PIP5K1C: variants seen among roughly 807,000 people sequenced by gnomAD.
The protein encoded by PIP5K1C is phosphatidylinositol-4-phosphate 5-kinase type 1 gamma.
PIP5K1C carries 45 observed loss-of-function variants against 80.1 expected under a neutral mutation model. The ratio of observed to expected loss-of-function variants is 0.56; its 90% CI spans 0.44 to 0.72. The LOEUF (loss-of-function observed/expected upper bound fraction) is 0.72. Ranked by LOEUF, PIP5K1C falls within the 30% of genes least tolerant of loss-of-function variation. The probability of loss-of-function intolerance (pLI) is 0.00; values close to 1 mark genes in which losing one functional copy is unlikely to be tolerated. For missense variants in PIP5K1C, 753 were observed against 954.6 expected (o/e 0.79, Z 2.78); for synonymous variants, 498 against 420.1 (o/e 1.19, Z -2.27).
intron 11 of PIP5K1C, 128 bp downstream of exon 11, chr19:3,645,846 G>A (rs1051859680): frequency 1.3e-6 from 1 of 780,786 alleles, no homozygotes; most frequent in Non-Finnish European, 2.4e-6. Context: ...GTCTGAGGGG[G>A]GCACAGGGGC....
chr19:3,652,126 C>G, intron 7 of PIP5K1C, 95 bp from the exon 8 acceptor site: 1 of 1,199,616 alleles, frequency 8.3e-7, no homozygotes. Flanking sequence ...ACGGATGGCC[C>G]CGTGGGCTCG....
intron 16 of PIP5K1C, 47 bp downstream of exon 16, chr19:3,638,832 GAGAGA>G: frequency 6.2e-7 from 1 of 1,608,100 alleles, no homozygotes; most frequent in Non-Finnish European, 8.5e-7. Context: ...GAGCGTGTGT[GAGAGA>G]GAGTCCGGTT....
At chr19:3,668,580 C>T (rs914265217) in intron 1 of PIP5K1C, 3 of 152,276 alleles carry the variant, frequency 2.0e-5, no homozygotes, top group Non-Finnish European at 2.9e-5. Context: ...GGTGAGGCCC[C>T]GTTCTGGGGC....
In PIP5K1C at chr19:3,638,765, G is replaced by A. The variant is rs1053189371; in HGVS notation, c.1920+119C>T. On this transcript the variant is annotated intron_variant, in intron 16 of 17. Transcript: ENST00000335312. ...TGGTGAGAGAGCATGTGGGTGGGTC[G>A]ACAGGGCACACTCACGTGCCTGTGT... 5.9e-5 allele frequency: 81 copies of A among 1,374,294 alleles called. No individual in the cohort carries two copies. In the African/African-American group the frequency reaches 1.1e-3, roughly 18 times the overall value. The allele number at this position is 1,374,294 out of a possible 1,614,324, so 85.1% of individuals were successfully genotyped here.
At chr19:3,670,376 C>T (rs920824862) in intron 1 of PIP5K1C, among the ~76,000 whole-genome samples, 3 of 152,010 alleles carry the variant, frequency 2.0e-5, no homozygotes, top group Non-Finnish European at 2.9e-5. Context: ...TAAGAGAAGC[C>T]GCTCAGGGAG....
intron 8 of PIP5K1C, among the ~76,000 whole-genome samples, chr19:3,650,694 T>G (rs1043275840): frequency 2.0e-5 from 3 of 152,234 alleles, no homozygotes; most frequent in Non-Finnish European, 4.4e-5. Flanking sequence ...CCAGCAGACA[T>G]GACTGCAGGC....
chr19:3,661,863 C>G lies in PIP5K1C; in HGVS notation c.350+8G>C. ...GGTGAGCCCTGAGGCTCCGGGGGCC[C>G]GGCCCACCTGGGGAAGAAGATGCTC... On this transcript the variant is annotated splice_region_variant and intron_variant, in intron 4 of 17. Coordinates refer to ENST00000335312, the MANE Select transcript of PIP5K1C (RefSeq NM_012398.3). 6.2e-7 allele frequency: 1 copy of G among 1,611,030 alleles called. No individual in the cohort carries two copies. The highest frequency in any genetic ancestry group is 8.5e-7 in the Non-Finnish European group (1 of 1,179,916).
intron 1 of PIP5K1C, among the ~76,000 whole-genome samples, chr19:3,687,651 C>A (rs942337363): frequency 6.6e-6 from 1 of 151,266 alleles, no homozygotes; most frequent in African/African-American, 2.4e-5. Flanking sequence ...AGAACACCTG[C>A]GGGACACAGC....
At chr19:3,634,087 C>A (rs547968618) in intron 16 of PIP5K1C, among the ~76,000 whole-genome samples, 1 of 152,264 alleles carries the variant, frequency 6.6e-6, no homozygotes, top group African/African-American at 2.4e-5. Flanking sequence ...GACCACCCAC[C>A]CTGCAAGAGC....
In PIP5K1C at chr19:3,638,998, G is replaced by A. The variant is rs922513224; in HGVS notation, c.1806C>T (p.Ala602=). The part of the protein sequence containing the change: ...EEDAGVEASP[A]GASAAVEVET... ...CTACTTCAACAGCAGCAGAGGCACC[G>A]GCCGGGGAAGCCTCCACCCTGGGGA... Residue 602 remains alanine, a synonymous_variant, in exon 16 of 18, where the codon GCC becomes GCT. Transcript: ENST00000335312. 11 of 1,611,220 alleles carry A rather than the reference G, an allele frequency of 6.8e-6. No individual in the cohort carries two copies. Among genetic ancestry groups the A allele is most frequent in the African/African-American group, 2.7e-5 (2 of 74,876 alleles).
chr19:3,636,596 C>T (rs1200740293), intron 16 of PIP5K1C: 11 of 985,508 alleles, frequency 1.1e-5, no homozygotes, highest in East Asian at 1.1e-4. Context: ...AGCTCCTGGA[C>T]GATCTCCGGG....
intron 8 of PIP5K1C, chr19:3,650,154 ACCAAAG>A (rs1310225376): frequency 6.5e-6 from 1 of 153,890 alleles, no homozygotes; most frequent in African/African-American, 2.4e-5. Flanking sequence ...ACCGCTGCAA[ACCAAAG>A]CCCAGCTGGT....
chr19:3,664,975 C>G, intron 2 of PIP5K1C, 61 bp from the exon 3 acceptor site: 1 of 1,318,538 alleles, frequency 7.6e-7, no homozygotes, highest in Non-Finnish European at 1.1e-6. Context: ...GGACAGGGCA[C>G]GCTCTGAAAC....
At chr19:3,664,758 G>T in intron 3 of PIP5K1C, 64 bp downstream of exon 3, 1 of 1,341,372 alleles carries the variant, frequency 7.5e-7, no homozygotes, top group South Asian at 1.2e-5. Context: ...CATGCTACCA[G>T]TGGGATCCCC....
At chr19:3,677,315 G>A (rs1289733020) in intron 1 of PIP5K1C, among the ~76,000 whole-genome samples, 1 of 151,918 alleles carries the variant, frequency 6.6e-6, no homozygotes, top group Non-Finnish European at 1.5e-5. Context: ...CTTTACGGTG[G>A]CTCACGCCTG....
chr19:3,691,143 T>C (rs903343380), intron 1 of PIP5K1C, among the ~76,000 whole-genome samples: 17 of 152,206 alleles, frequency 1.1e-4, no homozygotes, highest in African/African-American at 4.1e-4. Flanking sequence ...CAAGGACTTT[T>C]TCTCTGAGTC....
chr19:3,654,300 C>T (rs1440425373), intron 6 of PIP5K1C, among the ~76,000 whole-genome samples: 3 of 152,206 alleles, frequency 2.0e-5, no homozygotes, highest in East Asian at 1.9e-4. Flanking sequence ...TCAGGGGCAC[C>T]CAAGTGAAGC....
At chr19:3,652,169 G>C in intron 7 of PIP5K1C, 138 bp from the exon 8 acceptor site, 1 of 711,316 alleles carries the variant, frequency 1.4e-6, no homozygotes, top group South Asian at 1.7e-5. Context: ...GGCCAGGCAG[G>C]AGTGGGGGTT....
At chr19:3,665,658 G>A (rs2034982664) in intron 2 of PIP5K1C, among the ~76,000 whole-genome samples, 1 of 152,132 alleles carries the variant, frequency 6.6e-6, no homozygotes, top group Non-Finnish European at 1.5e-5. Context: ...TGTCCCTGAG[G>A]GAGATGGTCT....
Sources: gnomAD v4.1 joint callset for allele counts (sites outside exome capture counted in the v4.1 genomes callset) on GRCh38, gnomAD v4.1.1 for gene constraint, MANE v1.5 for transcripts, NCBI Gene and HGNC (gene_info 2026-07-23, HGNC 2026-07-21) for gene names.